SMOC2: variants seen among roughly 807,000 people sequenced by gnomAD.
SMOC2 encodes SPARC-related modular calcium-binding protein 2.
In SMOC2, 39 loss-of-function variants were observed where a neutral mutation model predicts 61.4. The observed-to-expected ratio is 0.64, with a 90% CI of 0.49 to 0.83. The LOEUF (loss-of-function observed/expected upper bound fraction) is 0.83, where lower values mean the gene tolerates loss of function less well. Among genes scored for constraint, SMOC2 ranks in the 40% least tolerant of loss-of-function variants. SMOC2 has a pLI of 0.00. For synonymous variants in SMOC2, 247 were observed against 239.9 expected (o/e 1.03, Z -0.27); for missense variants, 556 against 592.9 (o/e 0.94, Z 0.65).
chr6:168,444,269 A>G (rs1464648188), intron 1 of SMOC2, among the ~76,000 whole-genome samples: 2 of 152,082 alleles, frequency 1.3e-5, no homozygotes, highest in Non-Finnish European at 2.9e-5. Flanking sequence ...ATCTAGAAGC[A>G]GGGAAATATG....
At chr6:168,556,164 G>A (rs1263631133) in intron 7 of SMOC2, among the ~76,000 whole-genome samples, 1 of 152,140 alleles carries the variant, frequency 6.6e-6, no homozygotes, top group Non-Finnish European at 1.5e-5. Flanking sequence ...GCGGCTGTGC[G>A]GGAGGGAAGG....
At chr6:168,530,591 C>T (rs748956678) in intron 4 of SMOC2, among the ~76,000 whole-genome samples, 64 of 151,844 alleles carry the variant, frequency 4.2e-4, no homozygotes, top group Admixed American at 1.1e-3. Flanking sequence ...CGTGCAACTC[C>T]CCTCCACACC....
At chr6:168,611,949 G>T (rs149863424) in intron 9 of SMOC2, among the ~76,000 whole-genome samples, 2 of 152,304 alleles carry the variant, frequency 1.3e-5, no homozygotes, top group Non-Finnish European at 2.9e-5. Context: ...TGTGGACTCT[G>T]CCCCGTGCCT....
chr6:168,565,929 C>A (rs993759521), intron 7 of SMOC2, among the ~76,000 whole-genome samples: 4 of 152,192 alleles, frequency 2.6e-5, no homozygotes, highest in African/African-American at 9.7e-5. Flanking sequence ...AGTGAAATTT[C>A]TCCCAGTGTG....
At chr6:168,551,268 C>T (rs1376162980) in intron 7 of SMOC2, among the ~76,000 whole-genome samples, 1 of 152,062 alleles carries the variant, frequency 6.6e-6, no homozygotes, top group Non-Finnish European at 1.5e-5. Flanking sequence ...AAACCTCTTT[C>T]GTTTATAAAT....
intron 1 of SMOC2, among the ~76,000 whole-genome samples, chr6:168,479,097 G>C (rs1366571052): frequency 2.0e-5 from 3 of 150,300 alleles, no homozygotes; most frequent in African/African-American, 7.4e-5. Flanking sequence ...TCGGGAAAAG[G>C]AGTCAGGAAC....
intron 1 of SMOC2, among the ~76,000 whole-genome samples, chr6:168,505,513 A>C (rs1046109841): frequency 6.6e-6 from 1 of 152,106 alleles, no homozygotes; most frequent in East Asian, 1.9e-4. Flanking sequence ...CAGATGCCGG[A>C]TGAATGACTG....
At chr6:168,578,233 G>A (rs1035527276) in intron 7 of SMOC2, among the ~76,000 whole-genome samples, 1 of 152,210 alleles carries the variant, frequency 6.6e-6, no homozygotes, top group Admixed American at 6.5e-5. Context: ...GTGAAGTGGG[G>A]GCAATGGGAG....
At chr6:168,488,804 G>C (rs1035837186) in intron 1 of SMOC2, among the ~76,000 whole-genome samples, 2 of 151,040 alleles carry the variant, frequency 1.3e-5, no homozygotes, top group African/African-American at 4.9e-5. Flanking sequence ...GGATCACACT[G>C]TTTTAGAGGG....
chr6:168,509,205 G>T (rs1782949556), intron 1 of SMOC2, among the ~76,000 whole-genome samples: 1 of 152,198 alleles, frequency 6.6e-6, no homozygotes, highest in Non-Finnish European at 1.5e-5. Context: ...TGAAGGGCCT[G>T]GGGCCACCGT....
chr6:168,478,117 T>C (rs572024393), intron 1 of SMOC2, among the ~76,000 whole-genome samples: 1 of 152,158 alleles, frequency 6.6e-6, no homozygotes, highest in African/African-American at 2.4e-5. Flanking sequence ...CATTTCATCT[T>C]GACACCTTAA....
At chr6:168,456,704 T>G (rs1283931672) in intron 1 of SMOC2, among the ~76,000 whole-genome samples, 1 of 152,188 alleles carries the variant, frequency 6.6e-6, no homozygotes, top group Non-Finnish European at 1.5e-5. Flanking sequence ...CTTACATTTT[T>G]AGGAGGGTGC....
intron 1 of SMOC2, among the ~76,000 whole-genome samples, chr6:168,501,877 C>T (rs1228240958): frequency 2.0e-5 from 3 of 152,204 alleles, no homozygotes; most frequent in Admixed American, 6.5e-5. Flanking sequence ...CTGCCTCGCC[C>T]TGGCCACATC....
chr6:168,517,512 C>T lies in SMOC2; in HGVS notation c.256+7426C>T, dbSNP rs551644281. On this transcript the variant is annotated intron_variant, in intron 2 of 12. Transcript: ENST00000356284. ...AGGGGCTGCCCTGCCGGGGGAGCAGCTTTGCCATCCTTTGAATCAGCAGCG... is the reference window on the plus strand; with the variant it reads ...AGGGGCTGCCCTGCCGGGGGAGCAGTTTTGCCATCCTTTGAATCAGCAGCG... Among the ~76,000 whole-genome samples, 4 of 152,350 alleles carry T rather than the reference C, an allele frequency of 2.6e-5. No individual in the cohort carries two copies. The East Asian group carries it at 7.7e-4, about 29-fold the overall frequency.
At chr6:168,542,695 G>T (rs1400112288) in intron 4 of SMOC2, among the ~76,000 whole-genome samples, 1 of 152,130 alleles carries the variant, frequency 6.6e-6, no homozygotes, top group African/African-American at 2.4e-5. Flanking sequence ...ATGGCGCCTT[G>T]AAGTTACTCC....
chr6:168,464,297 C>T (rs55830022), intron 1 of SMOC2, among the ~76,000 whole-genome samples: 35,480 of 151,472 alleles, frequency 0.23, 4,516 homozygotes, highest in Admixed American at 0.34. Flanking sequence ...GAAGGAAGGA[C>T]GGACGGAAGG....
intron 7 of SMOC2, among the ~76,000 whole-genome samples, chr6:168,563,783 A>G (rs1784479463): frequency 1.3e-5 from 2 of 152,192 alleles, no homozygotes. Flanking sequence ...CTCAACTGTG[A>G]CAAATGAATG....
chr6:168,512,579 C>G (rs952380453), intron 2 of SMOC2, among the ~76,000 whole-genome samples: 1 of 152,212 alleles, frequency 6.6e-6, no homozygotes, highest in African/African-American at 2.4e-5. Context: ...GTGGCAGTAT[C>G]ATAGCTGAAT....
intron 12 of SMOC2, among the ~76,000 whole-genome samples, chr6:168,665,487 C>T (rs1007486000): frequency 6.6e-6 from 1 of 152,222 alleles, no homozygotes; most frequent in Non-Finnish European, 1.5e-5. Flanking sequence ...ATATGCATGA[C>T]CCAGACAGGA....
Sources: gnomAD v4.1 joint callset for allele counts (sites outside exome capture counted in the v4.1 genomes callset) on GRCh38, gnomAD v4.1.1 for gene constraint, MANE v1.5 for transcripts, NCBI Gene and HGNC (gene_info 2026-07-23, HGNC 2026-07-21) for gene names.